Variants in KDM3B observed in about 807,000 individuals in gnomAD.
KDM3B encodes the protein lysine-specific demethylase 3B.
Under a neutral mutation model 170.0 loss-of-function variants are expected in KDM3B, and 10 were observed. That is an observed-to-expected ratio of 0.06 (90% CI 0.04 to 0.10). The LOEUF (loss-of-function observed/expected upper bound fraction) is 0.10, where lower values mean the gene tolerates loss of function less well. KDM3B is among the 10% of genes least tolerant of loss of function. The pLI is 1.00. For missense variants in KDM3B, 1,394 were observed against 2,195.2 expected, an observed-to-expected ratio of 0.64 and a Z score of 7.29; for synonymous variants, 831 against 834.8, an observed-to-expected ratio of 1.00 and a Z score of 0.08.
intron 7 of KDM3B, among the ~76,000 whole-genome samples, chr5:138,388,525 G>A (rs965569390): frequency 1.3e-5 from 2 of 151,968 alleles, no homozygotes; most frequent in East Asian, 1.9e-4. Context: ...TCAGCTACTC[G>A]GGAGGCTGAG....
Position 138,373,223 on chromosome 5 carries a change from C to T in KDM3B, c.360+382C>T, listed in dbSNP as rs145088810. ...GGTCTGGTGGCACATGTCTGTGGTC[C>T]CACCTACTTGTGGGGCTGAGGTGGG... On this transcript the variant is annotated intron_variant, in intron 2 of 23. Transcript: ENST00000314358. Among the ~76,000 whole-genome samples the T allele has an allele frequency of 2.0e-5, 3 of 152,028 alleles. No homozygotes were observed. In the East Asian group the frequency reaches 5.8e-4, roughly 30 times the overall value.
intron 15 of KDM3B, among the ~76,000 whole-genome samples, chr5:138,421,295 G>A (rs1311088822): frequency 1.3e-5 from 2 of 152,124 alleles, no homozygotes; most frequent in African/African-American, 4.8e-5. Flanking sequence ...TCTAATAGAT[G>A]TCTCAAACCT....
At chr5:138,425,345 T>G in intron 16 of KDM3B, 66 bp from the exon 17 acceptor site, 1 of 1,491,846 alleles carries the variant, frequency 6.7e-7, no homozygotes, top group Non-Finnish European at 9.1e-7. Flanking sequence ...CCTCCTATTC[T>G]GTCTCAGCCC....
At chr5:138,430,108 C>A in intron 21 of KDM3B, 141 bp from the exon 22 acceptor site, 2 of 1,360,992 alleles carry the variant, frequency 1.5e-6, no homozygotes, top group Non-Finnish European at 2.0e-6. Flanking sequence ...AGCCCAAAGG[C>A]TTGAATCCAC....
At position 138,375,099 on chromosome 5, in the gene KDM3B, A is replaced by T; in HGVS notation, c.367A>T (p.Thr123Ser). The T allele has an allele frequency of 6.3e-7, 1 of 1,590,596 alleles. No individual in the cohort carries two copies. Among genetic ancestry groups the T allele is most frequent in the Non-Finnish European group, 8.6e-7 (1 of 1,159,132 alleles). ...TTGTCATTGTACTTCACAGACTTTT[A>T]CTCCCCTTGTAGATAAACTGGGTTT... The part of the protein sequence containing the change: ...SIAQWPALTF[T>S]PLVDKLGLGS... Residue 123 changes from threonine (T) to serine (S), a missense_variant, in exon 3 of 24, where the codon ACT becomes TCT. Transcript: ENST00000314358.
intron 23 of KDM3B, among the ~76,000 whole-genome samples, chr5:138,432,255 T>C (rs1210186516): frequency 6.6e-6 from 1 of 152,220 alleles, no homozygotes; most frequent in Non-Finnish European, 1.5e-5. Flanking sequence ...GCAGACTCAA[T>C]TTCTTAGAGC....
intron 2 of KDM3B, 125 bp downstream of exon 2, chr5:138,372,966 G>A: frequency 1.3e-6 from 1 of 787,386 alleles, no homozygotes; most frequent in Admixed American, 3.8e-5. Context: ...TTATTCTGAA[G>A]TTACTAATGC....
intron 17 of KDM3B, 25 bp downstream of exon 17, chr5:138,425,607 A>G: frequency 6.3e-7 from 1 of 1,597,706 alleles, no homozygotes; most frequent in Non-Finnish European, 8.6e-7. Context: ...TATCTAGTTC[A>G]GTGATAGCAG....
At chr5:138,371,790 C>G (rs7719002) in intron 1 of KDM3B, among the ~76,000 whole-genome samples, 1 of 152,038 alleles carries the variant, frequency 6.6e-6, no homozygotes, top group Non-Finnish European at 1.5e-5. Context: ...CACAGCAAGA[C>G]CCTATCTCTA....
intron 5 of KDM3B, among the ~76,000 whole-genome samples, chr5:138,380,788 G>T (rs1235148861): frequency 6.6e-6 from 1 of 151,924 alleles, no homozygotes; most frequent in African/African-American, 2.4e-5. Flanking sequence ...GCCCAGGCTG[G>T]TCTCGAACTC....
intron 6 of KDM3B, 122 bp from the exon 7 acceptor site, chr5:138,385,900 G>C: frequency 4.6e-6 from 5 of 1,096,954 alleles, no homozygotes; most frequent in Non-Finnish European, 5.3e-6. Context: ...TTTAGAACTG[G>C]CATTGGAACT....
chr5:138,365,982 A>G (rs1433658674), intron 1 of KDM3B, among the ~76,000 whole-genome samples: 1 of 152,124 alleles, frequency 6.6e-6, no homozygotes, highest in Admixed American at 6.6e-5. Context: ...TGGGTGACAG[A>G]GTGATACTGT....
At chr5:138,390,635 A>G (rs1312462015) in intron 7 of KDM3B, among the ~76,000 whole-genome samples, 1 of 152,196 alleles carries the variant, frequency 6.6e-6, no homozygotes, top group African/African-American at 2.4e-5. Flanking sequence ...GGGTCACTGT[A>G]AAAGCTGATG....
At chr5:138,428,204 TG>T in intron 20 of KDM3B, 118 bp downstream of exon 20, 7 of 1,071,966 alleles carry the variant, frequency 6.5e-6, no homozygotes, top group South Asian at 1.7e-5. Context: ...TTCTTTTTTC[TG>T]TTTTTTTTTT....
chr5:138,375,058 A>G, intron 2 of KDM3B, 35 bp from the exon 3 acceptor site: 3 of 1,143,638 alleles, frequency 2.6e-6, no homozygotes, highest in Non-Finnish European at 4.0e-6. Context: ...TTTATTCCCA[A>G]GTTCTAATCA....
Position 138,386,055 on chromosome 5 carries a change from G to A in KDM3B, c.814G>A (p.Gly272Arg), listed in dbSNP as rs747668746. 1 of 1,609,356 alleles carries A rather than the reference G, an allele frequency of 6.2e-7. No homozygotes were observed. The highest frequency in any genetic ancestry group is 8.5e-7 in the Non-Finnish European group (1 of 1,178,260). The change falls in exon 7 of 24, where the codon GGA (glycine) becomes AGA (arginine). Residue 272 changes from glycine (G) to arginine (R), a missense_variant. Around this residue, in one of 19 missense-constraint regions of KDM3B, gnomAD observed 166 missense variants for 216.4 expected, o/e 0.77. Coordinates refer to ENST00000314358, the MANE Select transcript of KDM3B (RefSeq NM_016604.4). ...GTLKAVKSSKGKKKRESIEGK... is the reference protein window; with the variant it reads ...GTLKAVKSSKRKKKRESIEGK... ...GTTAAAAGCAGTAAAATCTTCCAAA[G>A]GAAAGAAGAAGAGAGAAAGCATAGA...
In KDM3B at chr5:138,417,560, C is replaced by A; in HGVS notation, c.3385C>A (p.Arg1129=). The change falls in exon 13 of 24, where the codon CGA becomes AGA. Residue 1129 remains arginine (R), a synonymous_variant. Coordinates refer to ENST00000314358, the MANE Select transcript of KDM3B (RefSeq NM_016604.4). ...TAAAGCAAACTGCCCTTGTATCAGT[C>A]GACAGAACAAATCTGTATTGAGACC... The part of the protein sequence containing the change: ...GIKANCPCIS[R]QNKSVLRPAV... 2 of 1,614,010 alleles carry A rather than the reference C, an allele frequency of 1.2e-6. No individual in the cohort carries two copies. The highest frequency in any genetic ancestry group is 1.7e-6 in the Non-Finnish European group (2 of 1,179,918).
intron 2 of KDM3B, chr5:138,374,339 C>A (rs556076977): frequency 1.4e-5 from 6 of 427,466 alleles, no homozygotes; most frequent in South Asian, 9.9e-5. Flanking sequence ...CTCGGCTCAC[C>A]ACCCCGCCTC....
rs780079738 is a variant in KDM3B, at chr5:138,379,665, A to G, written c.662A>G (p.His221Arg). The G allele has an allele frequency of 3.1e-6, 5 of 1,613,836 alleles. No homozygotes were observed. Among genetic ancestry groups the G allele is most frequent in the Non-Finnish European group, 4.2e-6 (5 of 1,179,872 alleles). The part of the protein sequence containing the change: ...EEGWLYGVVS[H>R]QDSITRLMEV... ...GGGTGGCTCTATGGTGTTGTGAGCC[A>G]TCAGGACTCCATCACTCGTCTTATG... Residue 221 changes from histidine to arginine, a missense_variant, in exon 5 of 24, where the codon CAT (histidine) becomes CGT (arginine). His to Arg is a conservative substitution (Grantham distance 29). This residue lies in a region of KDM3B where 166 missense variants were observed against 216.4 expected (regional missense o/e 0.77). Transcript: ENST00000314358.
Sources: gnomAD v4.1 joint callset for allele counts (sites outside exome capture counted in the v4.1 genomes callset) on GRCh38, gnomAD v4.1.1 for gene constraint, gnomAD v4.1.1 regional missense constraint, MANE v1.5 for transcripts, NCBI Gene and HGNC (gene_info 2026-07-23, HGNC 2026-07-21) for gene names.